Variants in STXBP5L observed in about 807,000 individuals in gnomAD.
STXBP5L encodes syntaxin binding protein 5L, also known as syntaxin-binding protein 5-like.
A neutral mutation model predicts 144.5 loss-of-function variants in STXBP5L; 65 were observed. The observed-to-expected ratio is 0.45, with a 90% CI of 0.37 to 0.55. The LOEUF is 0.55. Among genes scored for constraint, STXBP5L ranks in the 20% least tolerant of loss-of-function variants. STXBP5L has a pLI of 0.00. For missense variants in STXBP5L, 1,298 were observed against 1,405.5 expected (o/e 0.92, Z 1.22); for synonymous variants, 505 against 469.6 (o/e 1.08, Z -0.97).
At chr3:121,176,257 T>A (rs186702403) in intron 9 of STXBP5L, among the ~76,000 whole-genome samples, 147 of 152,000 alleles carry the variant, frequency 9.7e-4, no homozygotes, top group Admixed American at 3.9e-3. Context: ...ACCATTTTTT[T>A]AAAAGTGGAA....
intron 22 of STXBP5L, among the ~76,000 whole-genome samples, chr3:121,391,444 T>C (rs2108707228): frequency 6.6e-6 from 1 of 152,346 alleles, no homozygotes; most frequent in Non-Finnish European, 1.5e-5. Context: ...CAAGGAGCTG[T>C]GATCCTTTGG....
At chr3:121,326,404 A>G (rs2044149456) in intron 20 of STXBP5L, among the ~76,000 whole-genome samples, 1 of 151,952 alleles carries the variant, frequency 6.6e-6, no homozygotes, top group Non-Finnish European at 1.5e-5. Flanking sequence ...GTCTTATCTT[A>G]GTTTCTGGCT....
chr3:121,231,363 T>A (rs553537590), intron 11 of STXBP5L, among the ~76,000 whole-genome samples: 2 of 152,334 alleles, frequency 1.3e-5, no homozygotes, highest in Non-Finnish European at 2.9e-5. Context: ...TCTCGACTAC[T>A]GGAGATATTG....
At chr3:121,233,835 T>G in intron 12 of STXBP5L, 147 bp downstream of exon 12, 1 of 598,824 alleles carries the variant, frequency 1.7e-6, no homozygotes, top group Non-Finnish European at 2.7e-6. Context: ...TGGTGAAAAT[T>G]AAACCAGAGG....
intron 2 of STXBP5L, among the ~76,000 whole-genome samples, chr3:120,921,833 T>C (rs1003630506): frequency 1.3e-5 from 2 of 152,122 alleles, no homozygotes; most frequent in African/African-American, 4.8e-5. Flanking sequence ...TGTATCTTTG[T>C]TTATGCCAGT....
chr3:121,350,120 T>A (rs1048948229), intron 20 of STXBP5L, among the ~76,000 whole-genome samples: 1 of 152,174 alleles, frequency 6.6e-6, no homozygotes, highest in Non-Finnish European at 1.5e-5. Flanking sequence ...CCATGTTCAG[T>A]GCTTCCTTCA....
chr3:120,978,279 C>G (rs1342061056), intron 3 of STXBP5L, among the ~76,000 whole-genome samples: 2 of 152,322 alleles, frequency 1.3e-5, no homozygotes, highest in East Asian at 1.9e-4. Context: ...TCCCTTCTCA[C>G]TACATTTCAT....
chr3:121,228,646 G>C (rs1338693182), intron 11 of STXBP5L, among the ~76,000 whole-genome samples: 1 of 152,170 alleles, frequency 6.6e-6, no homozygotes, highest in Non-Finnish European at 1.5e-5. Flanking sequence ...GGAGGCTGAG[G>C]CAGTGGATGG....
At chr3:121,136,270 G>C (rs912910002) in intron 7 of STXBP5L, among the ~76,000 whole-genome samples, 1 of 152,070 alleles carries the variant, frequency 6.6e-6, no homozygotes, top group African/African-American at 2.4e-5. Flanking sequence ...CCAGTATAGT[G>C]CCCACCACAG....
At chr3:120,927,795 T>A (rs73185425) in intron 2 of STXBP5L, among the ~76,000 whole-genome samples, 6,051 of 152,286 alleles carry the variant, frequency 0.04, 169 homozygotes, top group Middle Eastern at 0.082. Context: ...GTATGGGCAG[T>A]GAAACAACTT....
At chr3:121,051,946 C>G (rs1304831350) in intron 5 of STXBP5L, among the ~76,000 whole-genome samples, 2 of 152,052 alleles carry the variant, frequency 1.3e-5, no homozygotes, top group Non-Finnish European at 2.9e-5. Flanking sequence ...GAGAATATTA[C>G]AAACACCTCT....
At chr3:121,080,264 T>C (rs1207901427) in intron 5 of STXBP5L, among the ~76,000 whole-genome samples, 1 of 152,152 alleles carries the variant, frequency 6.6e-6, no homozygotes, top group Non-Finnish European at 1.5e-5. Flanking sequence ...GGGTTGGTGG[T>C]GTTTTATTCA....
rs575367980 is a variant in STXBP5L, at chr3:121,418,649, T to C, written c.3447+92T>C. On this transcript the variant is annotated intron_variant, in intron 26 of 26. Coordinates refer to ENST00000471454, the MANE Select transcript of STXBP5L (RefSeq NM_001308330.2). Reference sequence around the variant, plus strand: ...AAGAAAGCTTAAACAGAGATCCACATAAGTAATCCTGTATGAGAATCATGG... The same window carrying C: ...AAGAAAGCTTAAACAGAGATCCACACAAGTAATCCTGTATGAGAATCATGG... 3.5e-5 allele frequency: 41 copies of C among 1,174,520 alleles called. No individual in the cohort carries two copies. In the Admixed American group the frequency reaches 4.2e-4, roughly 12 times the overall value. The allele number at this position is 1,174,520 out of a possible 1,614,324, so 72.8% of individuals were successfully genotyped here.
At chr3:121,313,591 C>T (rs1485225311) in intron 19 of STXBP5L, among the ~76,000 whole-genome samples, 6 of 71,162 alleles carry the variant, frequency 8.4e-5, no homozygotes, top group South Asian at 1.2e-3. Context: ...CCCTCCCGGA[C>T]GGGGCGGCTG....
chr3:121,404,014 G>C (rs554592180), intron 22 of STXBP5L, among the ~76,000 whole-genome samples: 2 of 152,084 alleles, frequency 1.3e-5, no homozygotes, highest in Admixed American at 1.3e-4. Flanking sequence ...ATGTCTGATG[G>C]ATCATACATT....
chr3:120,957,901 T>G (rs1021396810), intron 3 of STXBP5L, among the ~76,000 whole-genome samples: 3 of 151,882 alleles, frequency 2.0e-5, no homozygotes, highest in African/African-American at 7.3e-5. Flanking sequence ...AAGAAATAAC[T>G]AAGATCAGAG....
intron 3 of STXBP5L, among the ~76,000 whole-genome samples, chr3:120,982,735 G>A (rs138658448): frequency 5.9e-5 from 9 of 152,350 alleles, no homozygotes; most frequent in South Asian, 2.1e-4. Context: ...CATGCCAGCT[G>A]TGATGTTGTC....
chr3:121,084,259 C>T (rs2107704026), intron 5 of STXBP5L, among the ~76,000 whole-genome samples: 1 of 152,224 alleles, frequency 6.6e-6, no homozygotes, highest in South Asian at 2.1e-4. Flanking sequence ...AAGTTTGTTA[C>T]ATAGGTAAAC....
chr3:121,388,657 T>C (rs2108698551), intron 22 of STXBP5L, among the ~76,000 whole-genome samples: 1 of 152,272 alleles, frequency 6.6e-6, no homozygotes. Flanking sequence ...TAACCATGTG[T>C]TTTTTGTCAT....
Sources: allele counts gnomAD v4.1 joint callset (sites outside exome capture counted in the v4.1 genomes callset), GRCh38; gene constraint gnomAD v4.1.1; transcripts MANE v1.5; gene names NCBI Gene and HGNC (gene_info 2026-07-23, HGNC 2026-07-21).